CACNB4: variants seen among roughly 807,000 people sequenced by gnomAD.
The protein encoded by CACNB4 is voltage-dependent L-type calcium channel subunit beta-4.
In CACNB4, 32 loss-of-function variants were observed where a neutral mutation model predicts 71.2. The ratio of observed to expected loss-of-function variants is 0.45; its 90% CI spans 0.34 to 0.60. CACNB4 has a LOEUF of 0.60. CACNB4 is among the 20% of genes least tolerant of loss of function. The pLI is 0.01. For missense variants in CACNB4, 464 were observed against 647.9 expected (o/e 0.72, Z 3.08); for synonymous variants, 231 against 236.9 (o/e 0.97, Z 0.23).
intron 2 of CACNB4, among the ~76,000 whole-genome samples, chr2:152,024,047 C>CA (rs1464488401): frequency 1.3e-5 from 2 of 152,160 alleles, no homozygotes; most frequent in African/African-American, 4.8e-5. Flanking sequence ...TGGCTGGGCA[C>CA]AGTGGCTCAC....
chr2:152,053,809 G>A (rs140431349), intron 2 of CACNB4, among the ~76,000 whole-genome samples: 358 of 152,238 alleles, frequency 2.4e-3, no homozygotes, highest in Non-Finnish European at 3.8e-3. Flanking sequence ...ACAGGCATGA[G>A]CCATCACACC....
chr2:151,923,759 G>A (rs2099859529), intron 2 of CACNB4, among the ~76,000 whole-genome samples: 1 of 152,112 alleles, frequency 6.6e-6, no homozygotes, highest in Non-Finnish European at 1.5e-5. Context: ...CAGATTGGCT[G>A]GGTAACCCTA....
chr2:152,087,408 G>A (rs926838943), intron 2 of CACNB4, among the ~76,000 whole-genome samples: 20 of 149,034 alleles, frequency 1.3e-4, no homozygotes, highest in African/African-American at 4.7e-4. Context: ...CTCCAGCCTC[G>A]GCAACAGAAC....
intron 2 of CACNB4, among the ~76,000 whole-genome samples, chr2:152,064,206 C>A (rs1686173520): frequency 6.6e-6 from 1 of 152,164 alleles, no homozygotes; most frequent in Admixed American, 6.5e-5. Context: ...ATGAAGGGAG[C>A]CATGGACATC....
chr2:152,019,675 T>C (rs2105116721), intron 2 of CACNB4, among the ~76,000 whole-genome samples: 1 of 152,248 alleles, frequency 6.6e-6, no homozygotes, highest in South Asian at 2.1e-4. Flanking sequence ...AAATAAAGGT[T>C]AAAAGAGGTT....
intron 2 of CACNB4, among the ~76,000 whole-genome samples, chr2:152,072,469 C>T (rs1313619125): frequency 6.6e-6 from 1 of 152,176 alleles, no homozygotes; most frequent in Non-Finnish European, 1.5e-5. Context: ...TCCTAAACAA[C>T]AAAATTCCTA....
In CACNB4 at chr2:151,860,706, C is replaced by A. The variant is rs1236654852; in HGVS notation, c.868+5G>T. The A allele has an allele frequency of 6.3e-7, 1 of 1,594,450 alleles. No homozygotes were observed. Among genetic ancestry groups the A allele is most frequent in the Non-Finnish European group, 8.6e-7 (1 of 1,162,078 alleles). ...TTGAAGAAGTACCACATTTGAACAT[C>A]TTACCTAAGCTGGACCGGGTGTTCG... is the stretch of plus-strand genomic sequence containing the variant. On this transcript the variant is annotated splice_donor_5th_base_variant and intron_variant, in intron 10 of 13. Coordinates refer to ENST00000539935, the MANE Select transcript of CACNB4 (RefSeq NM_000726.5).
chr2:151,855,774 T>C (rs1355432100), intron 10 of CACNB4, among the ~76,000 whole-genome samples: 2 of 152,154 alleles, frequency 1.3e-5, no homozygotes, highest in Admixed American at 1.3e-4. Context: ...GGAAAGCAAA[T>C]TACACTGAAA....
chr2:152,095,560 G>A (rs1454661795), intron 2 of CACNB4, among the ~76,000 whole-genome samples: 1 of 152,030 alleles, frequency 6.6e-6, no homozygotes, highest in African/African-American at 2.4e-5. Context: ...CACAAAGACT[G>A]TGAAACAGCA....
intron 10 of CACNB4, chr2:151,856,739 G>T (rs774715600): frequency 6.6e-6 from 1 of 151,962 alleles, no homozygotes; most frequent in African/African-American, 2.4e-5. Context: ...TAGAGACAGG[G>T]TCTCACTCTG....
At chr2:151,978,381 G>A (rs1282250585) in intron 2 of CACNB4, among the ~76,000 whole-genome samples, 1 of 152,080 alleles carries the variant, frequency 6.6e-6, no homozygotes, top group East Asian at 1.9e-4. Flanking sequence ...CCAGCTCCAA[G>A]GGCCCCATGC....
At chr2:152,071,772 C>T (rs1686706258) in intron 2 of CACNB4, among the ~76,000 whole-genome samples, 1 of 152,234 alleles carries the variant, frequency 6.6e-6, no homozygotes, top group South Asian at 2.1e-4. Flanking sequence ...AATATTTAGC[C>T]TTTTCCTTCT....
At chr2:152,065,681 T>C (rs149786738) in intron 2 of CACNB4, among the ~76,000 whole-genome samples, 1 of 152,188 alleles carries the variant, frequency 6.6e-6, no homozygotes, top group Admixed American at 6.5e-5. Context: ...CTCTCTCTTC[T>C]ACACTCTCCA....
At chr2:152,041,573 T>C (rs1006529197) in intron 2 of CACNB4, among the ~76,000 whole-genome samples, 1 of 152,206 alleles carries the variant, frequency 6.6e-6, no homozygotes, top group Non-Finnish European at 1.5e-5. Context: ...CCATGAAAGT[T>C]CTGAGTTTTG....
intron 2 of CACNB4, among the ~76,000 whole-genome samples, chr2:152,041,290 T>C (rs1390903401): frequency 1.3e-5 from 2 of 152,236 alleles, no homozygotes; most frequent in African/African-American, 4.8e-5. Flanking sequence ...TCTGTGTTCT[T>C]AAGCTCAAGA....
At chr2:151,944,495 A>T (rs537236220) in intron 2 of CACNB4, among the ~76,000 whole-genome samples, 89 of 152,284 alleles carry the variant, frequency 5.8e-4, no homozygotes, top group African/African-American at 2.1e-3. Context: ...AGACATGATA[A>T]AAGTTACAAC....
chr2:151,936,728 C>A (rs1030571147), intron 2 of CACNB4, among the ~76,000 whole-genome samples: 1 of 152,220 alleles, frequency 6.6e-6, no homozygotes, highest in Non-Finnish European at 1.5e-5. Context: ...CCCAGTAATA[C>A]GTGGTTGGGA....
intron 2 of CACNB4, chr2:151,974,059 G>T (rs957597899): frequency 3.8e-6 from 3 of 798,556 alleles, no homozygotes; most frequent in Non-Finnish European, 4.7e-6. Context: ...AGTGGAGGGC[G>T]CCTCGGAGCA....
chr2:151,856,789 T>G (rs1167417587), intron 10 of CACNB4: 1 of 152,298 alleles, frequency 6.6e-6, no homozygotes, highest in African/African-American at 2.4e-5. Flanking sequence ...CACAGCTCAC[T>G]GCAGCCTCAA....
Sources: gnomAD v4.1 joint callset for allele counts (sites outside exome capture counted in the v4.1 genomes callset) on GRCh38, gnomAD v4.1.1 for gene constraint, MANE v1.5 for transcripts, NCBI Gene and HGNC (gene_info 2026-07-23, HGNC 2026-07-21) for gene names.